DNER: variants seen among roughly 807,000 people sequenced by gnomAD.
The protein encoded by DNER is delta/notch like EGF repeat containing.
A neutral mutation model predicts 78.2 loss-of-function variants in DNER; 33 were observed. The observed-to-expected ratio is 0.42, with a 90% CI of 0.32 to 0.56. DNER has a LOEUF of 0.56. DNER is among the 20% of genes least tolerant of loss of function. The probability of loss-of-function intolerance (pLI) is 0.11; values close to 1 mark genes in which losing one functional copy is unlikely to be tolerated. For synonymous variants in DNER, 417 were observed against 384.8 expected, an observed-to-expected ratio of 1.08 and a Z score of -0.98; for missense variants, 918 against 975.3, an observed-to-expected ratio of 0.94 and a Z score of 0.78.
chr2:229,464,415 A>C (rs772817568), intron 7 of DNER, among the ~76,000 whole-genome samples: 1 of 152,184 alleles, frequency 6.6e-6, no homozygotes, highest in Non-Finnish European at 1.5e-5. Flanking sequence ...AAAATGAAAA[A>C]CAGCTAGGAA....
rs143458523 is a variant in DNER at position 229,448,486 on chromosome 2, G to A, written c.1262-946C>T. On this transcript the variant is annotated intron_variant, in intron 7 of 12. Transcript: ENST00000341772. ...TAAATTTACTAATATGCTTTGAACT[G>A]TACTTTCAAATGAATGAATTTTATA... is the stretch of plus-strand genomic sequence containing the variant. 1.2e-3 allele frequency among the ~76,000 whole-genome samples: 177 copies of A among 152,280 alleles called. 1 individual carries two copies. Among genetic ancestry groups the A allele is most frequent in the Non-Finnish European group, 1.8e-3 (124 of 68,020 alleles).
chr2:229,403,244 C>G (rs531817510), intron 10 of DNER, among the ~76,000 whole-genome samples: 9 of 152,234 alleles, frequency 5.9e-5, no homozygotes, highest in South Asian at 4.2e-4. Flanking sequence ...ACCTCAAGAG[C>G]AGAAGCACCA....
At chr2:229,572,093 C>G (rs139682407) in intron 4 of DNER, among the ~76,000 whole-genome samples, 1 of 152,292 alleles carries the variant, frequency 6.6e-6, no homozygotes, top group East Asian at 1.9e-4. Flanking sequence ...CTTTCCACTA[C>G]CCTAGCCAAA....
intron 4 of DNER, among the ~76,000 whole-genome samples, chr2:229,571,072 C>T (rs77951016): frequency 6.6e-6 from 1 of 152,232 alleles, no homozygotes; most frequent in East Asian, 1.9e-4. Context: ...GCCAGTGAGG[C>T]AGCTTCTGCA....
In DNER at chr2:229,539,130, T is replaced by C. The variant is rs1325976812; in HGVS notation, c.993+7817A>G. Among the ~76,000 whole-genome samples the C allele has an allele frequency of 5.3e-5, 8 of 152,328 alleles. No individual in the cohort carries two copies. In the South Asian group the frequency reaches 1.7e-3, roughly 32 times the overall value. On this transcript the variant is annotated intron_variant, in intron 5 of 12. Transcript: ENST00000341772. The stretch of plus-strand genomic sequence containing the variant: ...GAAAGGTCTTTCCTTTGATTCTTTG[T>C]GGGCTCCCTCGACTCCTCTCCCATC...
At chr2:229,571,213 T>C (rs546248372) in intron 4 of DNER, among the ~76,000 whole-genome samples, 131 of 151,366 alleles carry the variant, frequency 8.7e-4, no homozygotes, top group Non-Finnish European at 1.7e-3. Context: ...TGGGAAAGAG[T>C]AAAGTTAAGG....
intron 4 of DNER, among the ~76,000 whole-genome samples, chr2:229,570,035 C>T (rs1697187455): frequency 6.6e-6 from 1 of 152,198 alleles, no homozygotes; most frequent in South Asian, 2.1e-4. Flanking sequence ...ACCAGATCCA[C>T]CCCTGGACTT....
intron 1 of DNER, among the ~76,000 whole-genome samples, chr2:229,601,459 T>C (rs1697825641): frequency 6.6e-6 from 1 of 152,220 alleles, no homozygotes; most frequent in African/African-American, 2.4e-5. Flanking sequence ...GAACTATATG[T>C]CTTAGTGAAA....
chr2:229,576,101 G>A (rs1697294453), intron 4 of DNER, among the ~76,000 whole-genome samples: 1 of 152,204 alleles, frequency 6.6e-6, no homozygotes, highest in South Asian at 2.1e-4. Flanking sequence ...CCCCACCATT[G>A]CAGTGAGTTC....
At chr2:229,499,717 A>T (rs1313941028) in intron 6 of DNER, among the ~76,000 whole-genome samples, 1 of 152,116 alleles carries the variant, frequency 6.6e-6, no homozygotes. Flanking sequence ...AAATAGACAA[A>T]CGGGATTACA....
intron 5 of DNER, among the ~76,000 whole-genome samples, chr2:229,518,611 C>T (rs564271963): frequency 2.4e-4 from 37 of 152,176 alleles, no homozygotes; most frequent in African/African-American, 8.9e-4. Flanking sequence ...CACAGTCAAG[C>T]TTTTTACACC....
chr2:229,544,451 C>T (rs1050832706), intron 5 of DNER, among the ~76,000 whole-genome samples: 11 of 152,152 alleles, frequency 7.2e-5, no homozygotes, highest in African/African-American at 2.7e-4. Flanking sequence ...TTCCTGACCA[C>T]ATTCTGCCTC....
At chr2:229,488,059 G>A (rs1192965883) in intron 6 of DNER, among the ~76,000 whole-genome samples, 1 of 152,218 alleles carries the variant, frequency 6.6e-6, no homozygotes, top group African/African-American at 2.4e-5. Context: ...CCATTTCAGG[G>A]GAGCACTTAA....
At chr2:229,457,474 G>A (rs1291721883) in intron 7 of DNER, among the ~76,000 whole-genome samples, 1 of 151,874 alleles carries the variant, frequency 6.6e-6, no homozygotes, top group Non-Finnish European at 1.5e-5. Flanking sequence ...AATTAAGGGT[G>A]TACACTGTAA....
intron 6 of DNER, among the ~76,000 whole-genome samples, chr2:229,495,451 G>T (rs1199141644): frequency 1.3e-5 from 2 of 152,160 alleles, no homozygotes; most frequent in Non-Finnish European, 2.9e-5. Flanking sequence ...AGGAGAGATG[G>T]TGTAAGTTCC....
At chr2:229,589,422 G>GGCT (rs1344761208) in intron 2 of DNER, among the ~76,000 whole-genome samples, 1 of 152,128 alleles carries the variant, frequency 6.6e-6, no homozygotes, top group African/African-American at 2.4e-5. Flanking sequence ...TATGACAGAT[G>GGCT]GCTGCTACCC....
At chr2:229,687,483 C>T (rs938801846) in intron 1 of DNER, among the ~76,000 whole-genome samples, 1 of 151,932 alleles carries the variant, frequency 6.6e-6, no homozygotes. Flanking sequence ...AGGCTGGTCT[C>T]GAACTCCTGA....
At chr2:229,520,130 T>C (rs1696065750) in intron 5 of DNER, among the ~76,000 whole-genome samples, 3 of 152,196 alleles carry the variant, frequency 2.0e-5, no homozygotes, top group African/African-American at 7.2e-5. Flanking sequence ...GATGCTTAGG[T>C]GTTCACTGAA....
At chr2:229,386,793 T>G (rs144679245) in intron 11 of DNER, among the ~76,000 whole-genome samples, 2,111 of 152,168 alleles carry the variant, frequency 0.014, 43 homozygotes, top group African/African-American at 0.048. Flanking sequence ...CTCACGTCAG[T>G]TAGAATGGCG....
Sources: allele counts gnomAD v4.1 joint callset (sites outside exome capture counted in the v4.1 genomes callset), GRCh38; gene constraint gnomAD v4.1.1; transcripts MANE v1.5; gene names NCBI Gene and HGNC (gene_info 2026-07-23, HGNC 2026-07-21).